Variants in RNF145 observed in about 807,000 individuals in gnomAD.
The protein encoded by RNF145 is ring finger protein 145.
RNF145 carries 12 observed loss-of-function variants against 57.3 expected under a neutral mutation model. The ratio of observed to expected loss-of-function variants is 0.21; its 90% CI spans 0.13 to 0.34. The LOEUF (loss-of-function observed/expected upper bound fraction) is 0.34, where lower values mean the gene tolerates loss of function less well. RNF145 is among the 10% of genes least tolerant of loss of function. The pLI, the probability that RNF145 is intolerant of heterozygous loss-of-function variation, is 1.00. For missense variants in RNF145, 429 were observed against 799.0 expected, an observed-to-expected ratio of 0.54 and a Z score of 5.58; for synonymous variants, 262 against 288.3, an observed-to-expected ratio of 0.91 and a Z score of 0.92.
At chr5:159,160,720 T>C (rs191252907) in intron 10 of RNF145, among the ~76,000 whole-genome samples, 18 of 152,342 alleles carry the variant, frequency 1.2e-4, no homozygotes, top group African/African-American at 3.4e-4. Context: ...CTAAAGACTA[T>C]AGGTAGGCCA....
At position 159,202,228 on chromosome 5, in the gene RNF145, CA is replaced by C. The variant is rs1785694103; in HGVS notation, c.184+1205del. On this transcript the variant is annotated intron_variant, in intron 2 of 10. Transcript: ENST00000424310. ...CCTATTCAGAAACAATATATAAGCACATTTTTAAAACCACAGTATGTATGAC... is the reference window on the plus strand; with the variant it reads ...CCTATTCAGAAACAATATATAAGCACTTTTTAAAACCACAGTATGTATGAC... Among the ~76,000 whole-genome samples the C allele has an allele frequency of 2.0e-5, 3 of 152,266 alleles. No individual in the cohort carries two copies. In the South Asian group the frequency reaches 6.2e-4, roughly 32 times the overall value.
chr5:159,200,418 T>C (rs1269227153), intron 2 of RNF145, among the ~76,000 whole-genome samples: 1 of 152,164 alleles, frequency 6.6e-6, no homozygotes, highest in Admixed American at 6.5e-5. Flanking sequence ...ACAAAATATA[T>C]GTGAGAATTC....
intron 8 of RNF145, among the ~76,000 whole-genome samples, chr5:159,165,398 C>T (rs1784358940): frequency 8.7e-6 from 1 of 114,498 alleles, no homozygotes; most frequent in Non-Finnish European, 1.8e-5. Context: ...AAAATAATAT[C>T]CTGGCCGGGC....
At chr5:159,164,433 T>A (rs1364685841) in intron 8 of RNF145, among the ~76,000 whole-genome samples, 8 of 152,174 alleles carry the variant, frequency 5.3e-5, no homozygotes, top group Non-Finnish European at 1.2e-4. Context: ...AGCTATGATT[T>A]ATATGAAATA....
chr5:159,199,841 A>C (rs892140835), intron 2 of RNF145, among the ~76,000 whole-genome samples: 3 of 152,164 alleles, frequency 2.0e-5, no homozygotes, highest in Non-Finnish European at 2.9e-5. Flanking sequence ...ACTCCAAAAA[A>C]CAGTGGGCAG....
chr5:159,176,484 C>G lies in RNF145; in HGVS notation c.621+148G>C, dbSNP rs984769354. 23 of 590,060 alleles carry G rather than the reference C, an allele frequency of 3.9e-5. No homozygotes were observed. The Admixed American group carries it at 4.2e-4, about 11-fold the overall frequency. The allele number at this position is 590,060 out of a possible 1,614,324, so 36.6% of individuals were successfully genotyped here. On this transcript the variant is annotated intron_variant, in intron 5 of 10. Transcript: ENST00000424310. ...AACATAATCAAGAATCTTTCAGATGCTCCTAATTGGGCTGAAAATAGCAGC... is the reference window on the plus strand; with the variant it reads ...AACATAATCAAGAATCTTTCAGATGGTCCTAATTGGGCTGAAAATAGCAGC...
At chr5:159,180,193 T>C (rs1784844252) in intron 4 of RNF145, among the ~76,000 whole-genome samples, 1 of 152,104 alleles carries the variant, frequency 6.6e-6, no homozygotes, top group South Asian at 2.1e-4. Context: ...ACTTGAGGTA[T>C]CTAAAACTGA....
chr5:159,181,186 A>T (rs1584685180), intron 4 of RNF145, among the ~76,000 whole-genome samples: 1 of 152,144 alleles, frequency 6.6e-6, no homozygotes, highest in Non-Finnish European at 1.5e-5. Flanking sequence ...GTAACTCAAA[A>T]AAAAAAGATG....
intron 6 of RNF145, 33 bp downstream of exon 6, chr5:159,173,950 T>TTA (rs767733436): frequency 3.9e-5 from 59 of 1,502,598 alleles, no homozygotes; most frequent in Non-Finnish European, 3.5e-5. Flanking sequence ...CTTTCTAAGG[T>TTA]TATATATAGT....
upstream of RNF145, chr5:159,210,050 GA>G: frequency 1.5e-6 from 1 of 655,762 alleles, no homozygotes; most frequent in Non-Finnish European, 2.7e-6. Context: ...CTGGATGAAT[GA>G]ATGCATTGGA....
intron 3 of RNF145, among the ~76,000 whole-genome samples, chr5:159,184,381 A>G (rs146459764): frequency 6.6e-6 from 1 of 152,316 alleles, no homozygotes; most frequent in African/African-American, 2.4e-5. Context: ...TTTAACTCAA[A>G]AAGAAATTAC....
Position 159,160,699 on chromosome 5 carries a change from T to C in RNF145, c.1626+567A>G, listed in dbSNP as rs969974921. Among the ~76,000 whole-genome samples the C allele has an allele frequency of 3.3e-5, 5 of 152,248 alleles. No homozygotes were observed. The East Asian group carries it at 7.7e-4, about 23-fold the overall frequency. ...TAGAAGACAATCATCAGGCTCTTTA[T>C]GGTGCATGTGCTAAAGACTATAGGT... On this transcript the variant is annotated intron_variant, in intron 10 of 10. Transcript: ENST00000424310.
chr5:159,207,796 T>C (rs775369862), intron 1 of RNF145: 13 of 1,614,066 alleles, frequency 8.1e-6, no homozygotes, highest in Non-Finnish European at 1.1e-5. Context: ...TGGTTTCTCA[T>C]CATCTCCCAA....
At chr5:159,189,905 C>T (rs1019758815) in intron 3 of RNF145, among the ~76,000 whole-genome samples, 3 of 152,108 alleles carry the variant, frequency 2.0e-5, no homozygotes, top group Admixed American at 6.5e-5. Context: ...GGGCTGGGGG[C>T]AGGGAGGGTG....
chr5:159,190,901 A>G (rs958871976), intron 3 of RNF145, among the ~76,000 whole-genome samples: 1 of 152,090 alleles, frequency 6.6e-6, no homozygotes, highest in Admixed American at 6.5e-5. Context: ...TTATACTAAG[A>G]GGAAAATATT....
intron 5 of RNF145, among the ~76,000 whole-genome samples, chr5:159,175,497 C>T (rs1401357885): frequency 6.6e-6 from 1 of 151,978 alleles, no homozygotes; most frequent in Non-Finnish European, 1.5e-5. Context: ...ACTGAATATT[C>T]ATTATTTATT....
At chr5:159,191,711 G>A (rs1785295823) in intron 3 of RNF145, among the ~76,000 whole-genome samples, 1 of 152,114 alleles carries the variant, frequency 6.6e-6, no homozygotes, top group African/African-American at 2.4e-5. Context: ...AGAATCACTT[G>A]AGCCTGGGAG....
intron 2 of RNF145, among the ~76,000 whole-genome samples, chr5:159,198,694 T>C (rs1183303521): frequency 6.6e-6 from 1 of 152,172 alleles, no homozygotes; most frequent in Admixed American, 6.5e-5. Flanking sequence ...CCATAGGCTA[T>C]TTAGGTGGAA....
intron 3 of RNF145, among the ~76,000 whole-genome samples, chr5:159,194,229 T>C (rs977819502): frequency 1.3e-5 from 2 of 152,244 alleles, no homozygotes; most frequent in Admixed American, 1.3e-4. Context: ...ATTGTTAAAA[T>C]GCTCCTACAG....
Sources: allele counts gnomAD v4.1 joint callset (sites outside exome capture counted in the v4.1 genomes callset), GRCh38; gene constraint gnomAD v4.1.1; transcripts MANE v1.5; gene names NCBI Gene and HGNC (gene_info 2026-07-23, HGNC 2026-07-21).